The following AFF2 variants were observed in gnomAD, a reference collection of about 807,000 sequenced individuals.
AFF2 encodes the protein ALF transcription elongation factor 2.
Under a neutral mutation model 76.9 loss-of-function variants are expected in AFF2, and 14 were observed. The observed-to-expected ratio is 0.18, with a 90% CI of 0.12 to 0.28. The LOEUF (loss-of-function observed/expected upper bound fraction) is 0.28, where lower values mean the gene tolerates loss of function less well. Ranked by LOEUF, AFF2 falls within the 10% of genes least tolerant of loss-of-function variation. AFF2 has a pLI of 1.00. For synonymous variants in AFF2, 398 were observed against 366.7 expected, an observed-to-expected ratio of 1.09 and a Z score of -0.98; for missense variants, 868 against 1,001.1, an observed-to-expected ratio of 0.87 and a Z score of 1.79.
chrX:148,909,673 C>A (rs139310786), intron 9 of AFF2, among the ~76,000 whole-genome samples: 1,584 of 112,074 alleles, frequency 0.014, 28 homozygotes, highest in South Asian at 0.078. Context: ...GGGTAAGACT[C>A]AAACATGAGT....
intron 9 of AFF2, among the ~76,000 whole-genome samples, chrX:148,917,583 G>A (rs2071546384): frequency 9.0e-6 from 1 of 111,668 alleles, no homozygotes; most frequent in Non-Finnish European, 1.9e-5. Flanking sequence ...TGTCCTTCCT[G>A]CGATACTCCA....
At chrX:148,654,811 C>T (rs1043797044) in intron 2 of AFF2, among the ~76,000 whole-genome samples, 4 of 108,126 alleles carry the variant, frequency 3.7e-5, no homozygotes, top group African/African-American at 1.0e-4. Context: ...GGTCAAAGCA[C>T]GGTAAGTGTC....
chrX:148,734,484 C>T (rs781838348), intron 3 of AFF2, among the ~76,000 whole-genome samples: 3 of 111,298 alleles, frequency 2.7e-5, no homozygotes, highest in South Asian at 7.6e-4. Flanking sequence ...GGATACCATC[C>T]CAAGTATTCC....
Position 148,955,699 on chromosome X carries a change from C to T in AFF2, c.1654C>T (p.Pro552Ser), listed in dbSNP as rs1264155489. Residue 552 changes from proline (P) to serine (S), a missense_variant, in exon 11 of 21, where the codon CCC (proline) becomes TCC (serine). Pro to Ser is a moderately conservative substitution (Grantham distance 74). This residue lies in a region of AFF2 where 532 missense variants were observed against 564.2 expected (regional missense o/e 0.94). Transcript: ENST00000370460. ...TTTTATTTGTGGCCAAAATGAAACA[C>T]CCATGGAGACTATTTCTCTGCCTCC... ...KSFICGQNET[P>S]METISLPPPI... The T allele has an allele frequency of 2.5e-6, 3 of 1,211,438 alleles. No homozygotes were observed. Among genetic ancestry groups the T allele is most frequent in the East Asian group, 5.9e-5 (2 of 33,841 alleles).
At chrX:148,541,151 A>T (rs1216800001) in intron 1 of AFF2, among the ~76,000 whole-genome samples, 1 of 112,194 alleles carries the variant, frequency 8.9e-6, no homozygotes, top group Non-Finnish European at 1.9e-5. Context: ...GAAGGAAATA[A>T]AAAGGCACTG....
intron 3 of AFF2, among the ~76,000 whole-genome samples, chrX:148,683,519 G>C (rs1398169211): frequency 8.9e-6 from 1 of 111,900 alleles, no homozygotes; most frequent in Non-Finnish European, 1.9e-5. Context: ...CTGCTTTCTT[G>C]CGAATGAAGA....
At chrX:148,561,549 G>C (rs782742525) in intron 1 of AFF2, among the ~76,000 whole-genome samples, 1 of 111,707 alleles carries the variant, frequency 9.0e-6, no homozygotes, top group Non-Finnish European at 1.9e-5. Context: ...TTATTCTAGG[G>C]TGTGGTCCTT....
intron 8 of AFF2, among the ~76,000 whole-genome samples, chrX:148,893,426 A>G (rs1010837622): frequency 8.9e-6 from 1 of 112,080 alleles, no homozygotes; most frequent in Non-Finnish European, 1.9e-5. Flanking sequence ...CTTGTAATCT[A>G]TATACAATAG....
intron 1 of AFF2, among the ~76,000 whole-genome samples, chrX:148,603,453 TG>T (rs1399303363): frequency 3.1e-4 from 11 of 35,762 alleles, no homozygotes; most frequent in Admixed American, 1.5e-3. Context: ...TTTCATTAGG[TG>T]GTTTTTTTTT....
intron 3 of AFF2, among the ~76,000 whole-genome samples, chrX:148,743,816 G>A (rs782441270): frequency 9.1e-4 from 101 of 111,180 alleles, no homozygotes; most frequent in Non-Finnish European, 1.3e-3. Context: ...CCTTAATGGC[G>A]TCTATCACTA....
At chrX:148,570,850 G>A (rs1208234347) in intron 1 of AFF2, among the ~76,000 whole-genome samples, 4 of 110,275 alleles carry the variant, frequency 3.6e-5, no homozygotes, top group African/African-American at 1.3e-4. Context: ...CCTTTACATG[G>A]CCATCTTCTT....
At chrX:148,517,792 C>T (rs1004128837) in intron 1 of AFF2, among the ~76,000 whole-genome samples, 6 of 109,475 alleles carry the variant, frequency 5.5e-5, no homozygotes, top group African/African-American at 1.3e-4. Flanking sequence ...CCGAGGCAGG[C>T]GGATCACGAG....
At chrX:148,845,782 G>T (rs1557274697) in intron 7 of AFF2, among the ~76,000 whole-genome samples, 1 of 111,300 alleles carries the variant, frequency 9.0e-6, no homozygotes, top group Non-Finnish European at 1.9e-5. Flanking sequence ...GCGCCTTGGT[G>T]AGAAGCAGCC....
At chrX:148,906,937 C>G (rs782454446) in intron 9 of AFF2, among the ~76,000 whole-genome samples, 1 of 111,682 alleles carries the variant, frequency 9.0e-6, no homozygotes, top group Non-Finnish European at 1.9e-5. Context: ...CTGGGTTCAT[C>G]CTAATCAGGC....
In AFF2 at chrX:148,524,121, CTCTGTG is replaced by C. The variant is rs1360273112; in HGVS notation, c.47+22979_47+22984del. ...TTTCTCTCTCTCTCTCTCTCTCTCTCTCTGTGTGTGTGTGTGTGTGTGTGTGTGTGT... is the reference window on the plus strand; with the variant it reads ...TTTCTCTCTCTCTCTCTCTCTCTCTCTGTGTGTGTGTGTGTGTGTGTGTGT... On this transcript the variant is annotated intron_variant, in intron 1 of 20. Coordinates refer to ENST00000370460, the MANE Select transcript of AFF2 (RefSeq NM_002025.4). Among the ~76,000 whole-genome samples, 189 of 80,400 alleles carry C rather than the reference CTCTGTG, an allele frequency of 2.4e-3. 1 individual carries two copies. In the South Asian group the frequency reaches 0.047, roughly 20 times the overall value. The allele number at this position is 80,400 out of a possible 115,157, so 69.8% of individuals were successfully genotyped here.
chrX:148,891,655 T>C (rs2071224926), intron 8 of AFF2, among the ~76,000 whole-genome samples: 1 of 111,728 alleles, frequency 9.0e-6, no homozygotes, highest in Non-Finnish European at 1.9e-5. Flanking sequence ...GATATTATGA[T>C]GTCTGATTTC....
chrX:148,984,443 G>C (rs2072438775), intron 19 of AFF2, among the ~76,000 whole-genome samples: 1 of 112,119 alleles, frequency 8.9e-6, no homozygotes, highest in African/African-American at 3.2e-5. Context: ...CCCACGCAGT[G>C]ATGAGAGCTA....
chrX:148,511,252 TA>T lies in AFF2; in HGVS notation c.47+10118del, dbSNP rs200828354. 7.7e-3 allele frequency among the ~76,000 whole-genome samples: 809 copies of T among 105,486 alleles called. 7 individuals carry two copies. The highest frequency in any genetic ancestry group is 0.025 in the African/African-American group (745 of 29,241). The allele number at this position is 105,486 out of a possible 115,157, so 91.6% of individuals were successfully genotyped here. A position where few individuals can be genotyped will look rare whatever the true frequency, so the allele number is the denominator to read the frequency against. ...TGCTTTAAGGGTAATTGGGCAGCCT[TA>T]AAAAAAAAAGGTGTAGTAACTTGTT... On this transcript the variant is annotated intron_variant, in intron 1 of 20. Coordinates refer to ENST00000370460, the MANE Select transcript of AFF2 (RefSeq NM_002025.4).
At chrX:148,553,886 C>T (rs1344059577) in intron 1 of AFF2, among the ~76,000 whole-genome samples, 4 of 111,919 alleles carry the variant, frequency 3.6e-5, no homozygotes, top group African/African-American at 1.3e-4. Context: ...CTTCCAGACA[C>T]CTTTAAAAAC....
Sources: allele counts gnomAD v4.1 joint callset (sites outside exome capture counted in the v4.1 genomes callset), GRCh38; gene constraint gnomAD v4.1.1; regional missense constraint gnomAD v4.1.1; transcripts MANE v1.5; gene names NCBI Gene and HGNC (gene_info 2026-07-23, HGNC 2026-07-21).